Variants in PDSS1 observed in about 807,000 individuals in gnomAD.
PDSS1 encodes decaprenyl diphosphate synthase subunit 1, also known as all trans-polyprenyl-diphosphate synthase PDSS1.
Under a neutral mutation model 57.5 loss-of-function variants are expected in PDSS1, and 43 were observed. The observed-to-expected ratio is 0.75, with a 90% CI of 0.59 to 0.96. PDSS1 has a LOEUF of 0.96. Among genes scored for constraint, PDSS1 ranks in the 50% least tolerant of loss-of-function variants. PDSS1 has a pLI of 0.00. For missense variants in PDSS1, 438 were observed against 527.8 expected (o/e 0.83, Z 1.67); for synonymous variants, 175 against 191.3 (o/e 0.91, Z 0.70).
chr10:26,709,775 T>C lies in PDSS1; in HGVS notation c.467+7T>C. The C allele has an allele frequency of 4.3e-6, 7 of 1,613,588 alleles. No homozygotes were observed. The highest frequency in any genetic ancestry group is 5.9e-6 in the Non-Finnish European group (7 of 1,179,562). ...TTCATCATAACAACTCCCGGTGAGC[T>C]CTTTTTTTCATTCCTTTCTTGTTTT... On this transcript the variant is annotated splice_region_variant and intron_variant, in intron 5 of 11. Coordinates refer to ENST00000376215, the MANE Select transcript of PDSS1 (RefSeq NM_014317.5).
intron 5 of PDSS1, among the ~76,000 whole-genome samples, chr10:26,713,222 G>A (rs1224174866): frequency 7.4e-6 from 1 of 135,548 alleles, no homozygotes; most frequent in Non-Finnish European, 1.6e-5. Context: ...AACCCGGGAG[G>A]CAGAGGTTGC....
intron 5 of PDSS1, among the ~76,000 whole-genome samples, chr10:26,717,271 C>G (rs1465065166): frequency 1.3e-5 from 2 of 152,038 alleles, no homozygotes; most frequent in South Asian, 4.2e-4. Flanking sequence ...CGCTCTACCC[C>G]CCAGGCTGGA....
chr10:26,721,170 A>G (rs2132261714), intron 6 of PDSS1, among the ~76,000 whole-genome samples: 1 of 152,048 alleles, frequency 6.6e-6, no homozygotes, highest in Non-Finnish European at 1.5e-5. Context: ...TAGCCAGCGT[A>G]CACCTGTAAT....
intron 2 of PDSS1, among the ~76,000 whole-genome samples, chr10:26,704,111 G>A (rs11015235): frequency 0.012 from 780 of 66,936 alleles, 13 homozygotes; most frequent in African/African-American, 0.035. Context: ...AATATGGCTA[G>A]AGCAATACAT....
At chr10:26,731,366 A>T (rs1042866796) in intron 8 of PDSS1, among the ~76,000 whole-genome samples, 1 of 152,218 alleles carries the variant, frequency 6.6e-6, no homozygotes, top group African/African-American at 2.4e-5. Context: ...TAAATAATTT[A>T]AAAATTTTTT....
At chr10:26,702,218 T>G in intron 2 of PDSS1, 24 bp downstream of exon 2, 2 of 447,068 alleles carry the variant, frequency 4.5e-6, no homozygotes, top group Non-Finnish European at 8.9e-6. Flanking sequence ...CTTGGACTTT[T>G]GAGTTAATGC....
At chr10:26,723,063 C>T (rs1232611276) in intron 6 of PDSS1, among the ~76,000 whole-genome samples, 1 of 151,958 alleles carries the variant, frequency 6.6e-6, no homozygotes, top group Admixed American at 6.6e-5. Context: ...AGTCTGAGCT[C>T]CCACTCCACT....
intron 2 of PDSS1, among the ~76,000 whole-genome samples, chr10:26,703,753 TTGAC>T (rs1414982390): frequency 2.0e-5 from 3 of 152,270 alleles, no homozygotes; most frequent in African/African-American, 4.8e-5. Context: ...GCCAACTACT[TTGAC>T]TGGTGTCTGG....
chr10:26,740,932 C>A, intron 10 of PDSS1: 3 of 238,776 alleles, frequency 1.3e-5, no homozygotes. Flanking sequence ...TGTAGAATAT[C>A]GATTTTACCT....
At chr10:26,717,267 AC>A (rs1564423700) in intron 5 of PDSS1, among the ~76,000 whole-genome samples, 1 of 151,694 alleles carries the variant, frequency 6.6e-6, no homozygotes, top group Admixed American at 6.6e-5. Flanking sequence ...GTCTCGCTCT[AC>A]CCCCCAGGCT....
intron 8 of PDSS1, among the ~76,000 whole-genome samples, chr10:26,728,652 A>G (rs142902360): frequency 2.5e-3 from 387 of 152,224 alleles, no homozygotes; most frequent in African/African-American, 8.8e-3. Flanking sequence ...TTCTACAAGA[A>G]AGTTGGTATC....
At chr10:26,722,125 G>A (rs1835807755) in intron 6 of PDSS1, among the ~76,000 whole-genome samples, 1 of 152,178 alleles carries the variant, frequency 6.6e-6, no homozygotes, top group Non-Finnish European at 1.5e-5. Flanking sequence ...AGGTGAAGAA[G>A]GAACTAAAGG....
intron 1 of PDSS1, 118 bp downstream of exon 1, chr10:26,697,958 A>AGCTCCGGGGTAGCTCCGGGGTGGG (rs1183539315): frequency 1.0e-6 from 1 of 968,854 alleles, no homozygotes; most frequent in Non-Finnish European, 1.3e-6. Flanking sequence ...CGCGCGGGGT[A>AGCTCCGGGGTAGCTCCGGGGTGGG]GCTCCGGGGT....
intron 5 of PDSS1, chr10:26,714,584 A>G (rs1250847083): frequency 1.3e-5 from 2 of 152,122 alleles, no homozygotes; most frequent in African/African-American, 2.4e-5. Context: ...AGCCAAACCT[A>G]CCTAGCCTGC....
intron 3 of PDSS1, among the ~76,000 whole-genome samples, chr10:26,704,989 A>G (rs960895849): frequency 6.6e-6 from 1 of 151,424 alleles, no homozygotes; most frequent in Non-Finnish European, 1.5e-5. Context: ...ATCTCTGCCT[A>G]TTCAAAAAAC....
chr10:26,717,165 A>G (rs936035367), intron 5 of PDSS1, among the ~76,000 whole-genome samples: 1 of 152,236 alleles, frequency 6.6e-6, no homozygotes, highest in Non-Finnish European at 1.5e-5. Flanking sequence ...GTACCAAATA[A>G]CATTTCAGTT....
Position 26,713,236 on chromosome 10 carries a change from G to A in PDSS1, c.467+3468G>A, listed in dbSNP as rs368311052. On this transcript the variant is annotated intron_variant, in intron 5 of 11. Coordinates refer to ENST00000376215, the MANE Select transcript of PDSS1 (RefSeq NM_014317.5). ...GAACCCGGGAGGCAGAGGTTGCAGT[G>A]AGCCGAGATCACGCCATTGCATTCC... Among the ~76,000 whole-genome samples the A allele has an allele frequency of 5.7e-4, 84 of 146,520 alleles. 7 individuals are homozygous for A. Among genetic ancestry groups the A allele is most frequent in the African/African-American group, 2.0e-3 (81 of 39,680 alleles).
intron 4 of PDSS1, among the ~76,000 whole-genome samples, chr10:26,706,243 T>C (rs1835210833): frequency 6.6e-6 from 1 of 152,192 alleles, no homozygotes; most frequent in African/African-American, 2.4e-5. Flanking sequence ...CACTCCAGCC[T>C]GAGTGAGAGA....
At chr10:26,697,921 G>A in intron 1 of PDSS1, 81 bp downstream of exon 1, 1 of 1,183,758 alleles carries the variant, frequency 8.4e-7, no homozygotes, top group Non-Finnish European at 1.1e-6. Flanking sequence ...AATGGGAGCG[G>A]GGAGCACGTG....
Sources: allele counts gnomAD v4.1 joint callset (sites outside exome capture counted in the v4.1 genomes callset), GRCh38; gene constraint gnomAD v4.1.1; transcripts MANE v1.5; gene names NCBI Gene and HGNC (gene_info 2026-07-23, HGNC 2026-07-21).